R3HDM2: variants seen among roughly 807,000 people sequenced by gnomAD.
The protein encoded by R3HDM2 is R3H domain containing 2, also known as R3H domain-containing protein 2.
A neutral mutation model predicts 124.5 loss-of-function variants in R3HDM2; 38 were observed. The observed-to-expected ratio is 0.31, with a 90% CI of 0.24 to 0.40. The LOEUF is 0.40. R3HDM2 is among the 10% of genes least tolerant of loss of function. The pLI is 1.00. For missense variants in R3HDM2, 869 were observed against 1,236.9 expected (o/e 0.70, Z 4.46); for synonymous variants, 391 against 448.0 (o/e 0.87, Z 1.61).
intron 2 of R3HDM2, among the ~76,000 whole-genome samples, chr12:57,356,264 T>C (rs961835119): frequency 6.6e-6 from 1 of 152,180 alleles, no homozygotes; most frequent in Non-Finnish European, 1.5e-5. Context: ...GTTTTTAACA[T>C]GAATGAAGCC....
intron 2 of R3HDM2, among the ~76,000 whole-genome samples, chr12:57,380,561 A>G (rs1021002124): frequency 3.3e-5 from 5 of 152,218 alleles, no homozygotes; most frequent in South Asian, 2.1e-4. Flanking sequence ...CAAAGACACA[A>G]TAAGATTGCA....
intron 2 of R3HDM2, among the ~76,000 whole-genome samples, chr12:57,361,696 A>C (rs578042999): frequency 1.1e-4 from 16 of 152,224 alleles, no homozygotes; most frequent in African/African-American, 3.9e-4. Flanking sequence ...CCAAAAAAAA[A>C]CCTAAGAAAG....
rs754155916 is a variant in R3HDM2 at position 57,258,119 on chromosome 12, T to C, written c.2320A>G (p.Ser774Gly). Residue 774 changes from serine (S) to glycine (G), a missense_variant, in exon 21 of 24, where the codon AGC (serine) becomes GGC (glycine). Around this residue, in one of 2 missense-constraint regions of R3HDM2, gnomAD observed 602 missense variants for 789.2 expected, o/e 0.76. Transcript: ENST00000402412. ...SSPQANTQMSSSPVTSPTQSP... is the reference protein window; with the variant it reads ...SSPQANTQMSGSPVTSPTQSP... The stretch of plus-strand genomic sequence containing the variant: ...TGGGTAGGAGATGTGACAGGGCTGC[T>C]GCTCATTTGTGTGTTGGCCTGTGGA... 5 of 1,567,358 alleles carry C rather than the reference T, an allele frequency of 3.2e-6. No homozygotes were observed. The highest frequency in any genetic ancestry group is 1.2e-5 in the South Asian group (1 of 84,676).
In R3HDM2 at chr12:57,310,295, C is replaced by T. The variant is rs375472284; in HGVS notation, c.134G>A (p.Cys45Tyr). ...TPSKEEIEKECEDTSLRQETQ... is the reference protein window; with the variant it reads ...TPSKEEIEKEYEDTSLRQETQ... The stretch of plus-strand genomic sequence containing the variant: ...CTCCTGACGCAAACTGGTATCTTCA[C>T]ATTCTTTCTCAATTTCTTCCTTACT... Residue 45 changes from cysteine (C) to tyrosine (Y), a missense_variant, in exon 3 of 24, where the codon TGT becomes TAT. Cys to Tyr is a radical substitution (Grantham distance 194). Transcript: ENST00000402412. 1 of 1,546,220 alleles carries T rather than the reference C, an allele frequency of 6.5e-7. No homozygotes were observed. The highest frequency in any genetic ancestry group is 1.4e-5 in the African/African-American group (1 of 72,472).
At chr12:57,286,810 G>A (rs2047451048) in intron 12 of R3HDM2, among the ~76,000 whole-genome samples, 1 of 152,052 alleles carries the variant, frequency 6.6e-6, no homozygotes. Context: ...CCTGGGAGGC[G>A]GAGGTTGCGG....
chr12:57,271,958 G>A (rs367931291), intron 14 of R3HDM2, among the ~76,000 whole-genome samples: 5 of 151,368 alleles, frequency 3.3e-5, no homozygotes, highest in Non-Finnish European at 5.9e-5. Flanking sequence ...GTGGTGGTGC[G>A]ATCTCGGCTC....
At chr12:57,258,799 TAA>T (rs2039870720) in intron 20 of R3HDM2, 89 bp downstream of exon 20, 8 of 1,228,986 alleles carry the variant, frequency 6.5e-6, no homozygotes, top group East Asian at 2.8e-5. Context: ...AAAAGACATG[TAA>T]AAGAGGCTGC....
intron 3 of R3HDM2, among the ~76,000 whole-genome samples, chr12:57,303,644 T>C (rs1006013228): frequency 7.3e-5 from 11 of 151,218 alleles, no homozygotes; most frequent in African/African-American, 2.7e-4. Context: ...TAGCCATGTG[T>C]GGTGGCATGC....
chr12:57,282,299 C>A (rs1241114246), intron 13 of R3HDM2, among the ~76,000 whole-genome samples: 82 of 127,948 alleles, frequency 6.4e-4, no homozygotes, highest in African/African-American at 7.6e-4. Context: ...GACTCCATCT[C>A]AAAAAAAAAA....
intron 2 of R3HDM2, among the ~76,000 whole-genome samples, chr12:57,353,202 A>T (rs2060866633): frequency 6.6e-6 from 1 of 152,172 alleles, no homozygotes; most frequent in South Asian, 2.1e-4. Flanking sequence ...TAAGCTACAG[A>T]CTGCAAGTTT....
chr12:57,329,500 C>T (rs2057806864), intron 2 of R3HDM2, among the ~76,000 whole-genome samples: 1 of 152,202 alleles, frequency 6.6e-6, no homozygotes, highest in Admixed American at 6.5e-5. Context: ...TGCAAGGTGC[C>T]TGCACAGTAG....
intron 1 of R3HDM2, among the ~76,000 whole-genome samples, chr12:57,427,944 C>T (rs968102024): frequency 2.0e-5 from 3 of 151,634 alleles, no homozygotes; most frequent in African/African-American, 7.3e-5. Flanking sequence ...ATAGTGAAAC[C>T]CTGTGTGTAC....
chr12:57,338,228 G>A (rs532646065), intron 2 of R3HDM2, among the ~76,000 whole-genome samples: 3 of 152,208 alleles, frequency 2.0e-5, no homozygotes, highest in Non-Finnish European at 2.9e-5. Context: ...GCTTGAACCC[G>A]GGAGGCAGAG....
At chr12:57,301,995 G>C (rs1226528631) in intron 4 of R3HDM2, among the ~76,000 whole-genome samples, 4 of 152,178 alleles carry the variant, frequency 2.6e-5, no homozygotes, top group Admixed American at 6.5e-5. Flanking sequence ...TAAAGCATTA[G>C]GTTAGCTGAG....
At chr12:57,381,749 T>A (rs1555301960) in intron 2 of R3HDM2, among the ~76,000 whole-genome samples, 1 of 151,894 alleles carries the variant, frequency 6.6e-6, no homozygotes, top group Non-Finnish European at 1.5e-5. Flanking sequence ...GAGAATTAGG[T>A]GGGCAGGCTG....
chr12:57,257,464 A>C (rs1347366960), intron 21 of R3HDM2, among the ~76,000 whole-genome samples: 1 of 152,208 alleles, frequency 6.6e-6, no homozygotes, highest in African/African-American at 2.4e-5. Context: ...ACTGCTTGTG[A>C]CAGCTAAGGC....
chr12:57,283,725 G>A lies in R3HDM2; in HGVS notation c.1171+99C>T, dbSNP rs1026955675. 9.2e-6 allele frequency: 11 copies of A among 1,193,500 alleles called. No individual in the cohort carries two copies. In the African/African-American group the frequency reaches 1.2e-4, roughly 13 times the overall value. The allele number at this position is 1,193,500 out of a possible 1,614,324, so 73.9% of individuals were successfully genotyped here. On this transcript the variant is annotated intron_variant, in intron 13 of 23. Coordinates refer to ENST00000402412, the MANE Select transcript of R3HDM2 (RefSeq NM_001394031.1). ...CTGCATTCCAGCCTGGGCAACAGAG[G>A]AGACTCTGTCTCAAAAAAAAAAGTA...
At chr12:57,364,366 T>C (rs1041671703) in intron 2 of R3HDM2, among the ~76,000 whole-genome samples, 1 of 152,026 alleles carries the variant, frequency 6.6e-6, no homozygotes, top group African/African-American at 2.4e-5. Context: ...GCCAGGCTGG[T>C]GTCAAACTCC....
intron 2 of R3HDM2, among the ~76,000 whole-genome samples, chr12:57,334,106 G>T (rs2058562665): frequency 6.6e-6 from 1 of 152,122 alleles, no homozygotes; most frequent in Admixed American, 6.6e-5. Flanking sequence ...AGTCCAGAAG[G>T]TCATAGTTAG....
Sources: allele counts gnomAD v4.1 joint callset (sites outside exome capture counted in the v4.1 genomes callset), GRCh38; gene constraint gnomAD v4.1.1; regional missense constraint gnomAD v4.1.1; transcripts MANE v1.5; gene names NCBI Gene and HGNC (gene_info 2026-07-23, HGNC 2026-07-21).